The following MATR3 variants were observed in gnomAD, a reference collection of about 807,000 sequenced individuals.
MATR3 encodes matrin 3, also known as matrin-3.
A neutral mutation model predicts 85.5 loss-of-function variants in MATR3; 4 were observed. The observed-to-expected ratio is 0.05, with a 90% CI of 0.02 to 0.11. The LOEUF (loss-of-function observed/expected upper bound fraction) is 0.11. Ranked by LOEUF, MATR3 falls within the 10% of genes least tolerant of loss-of-function variation. The pLI, the probability that MATR3 is intolerant of heterozygous loss-of-function variation, is 1.00. For missense variants in MATR3, 685 were observed against 1,016.1 expected (o/e 0.67, Z 4.43); for synonymous variants, 336 against 343.1 (o/e 0.98, Z 0.23).
At chr5:139,308,794 G>A (rs1177851936) in intron 2 of MATR3, among the ~76,000 whole-genome samples, 2 of 152,154 alleles carry the variant, frequency 1.3e-5, no homozygotes, top group African/African-American at 2.4e-5. Flanking sequence ...CAGGGAAAGA[G>A]TTAATGTAGA....
Position 139,329,408 on chromosome 5 carries a change from G to A in MATR3, c.*13G>A. ...GAAGGAAACTTAAGATGTGCAAGGAGATTTAATGATTTCAAAGAAAATAAT... is the reference window on the plus strand; with the variant it reads ...GAAGGAAACTTAAGATGTGCAAGGAAATTTAATGATTTCAAAGAAAATAAT... On this transcript the variant is annotated 3_prime_UTR_variant, in exon 15 of 15. Transcript: ENST00000394805. The A allele has an allele frequency of 6.2e-7, 1 of 1,602,712 alleles. No homozygotes were observed. The highest frequency in any genetic ancestry group is 8.5e-7 in the Non-Finnish European group (1 of 1,170,832).
At chr5:139,313,919 G>GT (rs1416381614) in intron 2 of MATR3, 5 of 151,828 alleles carry the variant, frequency 3.3e-5, no homozygotes, top group East Asian at 1.9e-4. Flanking sequence ...TTTTGTTTTT[G>GT]TTTTGTTTTG....
upstream of MATR3, among the ~76,000 whole-genome samples, chr5:139,289,238 C>G (rs1753799120): frequency 6.6e-6 from 1 of 152,186 alleles, no homozygotes; most frequent in Non-Finnish European, 1.5e-5. Flanking sequence ...GATTGCAGTT[C>G]CACTTTCACA....
At chr5:139,327,787 A>G (rs1449253039) in intron 14 of MATR3, among the ~76,000 whole-genome samples, 1 of 152,178 alleles carries the variant, frequency 6.6e-6, no homozygotes, top group Non-Finnish European at 1.5e-5. Context: ...TGTATTGTCG[A>G]GAAGAATATG....
chr5:139,295,450 A>G (rs1377571305), intron 1 of MATR3, among the ~76,000 whole-genome samples: 2 of 152,226 alleles, frequency 1.3e-5, no homozygotes, highest in African/African-American at 4.8e-5. Flanking sequence ...TTAACAGTAT[A>G]TACTTAGAAC....
intron 1 of MATR3, among the ~76,000 whole-genome samples, chr5:139,295,413 T>A (rs548771048): frequency 6.6e-6 from 1 of 152,362 alleles, no homozygotes; most frequent in Admixed American, 6.5e-5. Flanking sequence ...GTTGAAGTGC[T>A]TTAAATTTGT....
At chr5:139,297,168 A>T (rs982030636) in intron 1 of MATR3, among the ~76,000 whole-genome samples, 1 of 152,022 alleles carries the variant, frequency 6.6e-6, no homozygotes, top group Non-Finnish European at 1.5e-5. Flanking sequence ...ACAGAGCGGG[A>T]CTCCATCTCA....
At chr5:139,278,682 T>G in intron 2 of MATR3, 1 of 425,184 alleles carries the variant, frequency 2.4e-6, no homozygotes, top group South Asian at 1.7e-5. Context: ...CAATTAGTGC[T>G]TCCACGCCTG....
At chr5:139,282,176 T>TG (rs1753555371) in intron 3 of MATR3, among the ~76,000 whole-genome samples, 1 of 152,260 alleles carries the variant, frequency 6.6e-6, no homozygotes, top group Non-Finnish European at 1.5e-5. Context: ...TGAATGTTGT[T>TG]GCTTAATTAG....
chr5:139,323,075 A>G, intron 12 of MATR3, 108 bp downstream of exon 12: 3 of 1,101,144 alleles, frequency 2.7e-6, no homozygotes, highest in Non-Finnish European at 3.9e-6. Flanking sequence ...TAAATCAGAA[A>G]ATAAATCAGA....
intron 7 of MATR3, among the ~76,000 whole-genome samples, chr5:139,318,060 A>G (rs545315076): frequency 3.3e-5 from 5 of 152,342 alleles, no homozygotes; most frequent in East Asian, 1.9e-4. Flanking sequence ...TGATAAAGTA[A>G]TGCAGTAGAA....
rs562200318 is a variant in MATR3 at position 139,331,067 on chromosome 5, A to G, written c.*1672A>G. On this transcript the variant is annotated 3_prime_UTR_variant, in exon 15 of 15. Transcript: ENST00000394805. ...CAGCCTCCCAAAGTGCTGGGACTGT[A>G]GGCATGAGCCACCATCCCTGGCCAA... 2.2e-6 allele frequency: 1 copy of G among 454,028 alleles called. No individual in the cohort carries two copies. Among genetic ancestry groups the G allele is most frequent in the African/African-American group, 2.0e-5 (1 of 50,116 alleles). The allele number at this position is 454,028 out of a possible 1,614,324, so 28.1% of individuals were successfully genotyped here.
At chr5:139,325,272 G>C (rs768768439) in intron 12 of MATR3, 168 bp from the exon 13 acceptor site, 8 of 1,550,878 alleles carry the variant, frequency 5.2e-6, no homozygotes, top group African/African-American at 1.4e-5. Flanking sequence ...AATTGTTGCA[G>C]AGTAAATTTG....
chr5:139,302,299 A>G (rs1754487368), intron 1 of MATR3, among the ~76,000 whole-genome samples: 1 of 152,196 alleles, frequency 6.6e-6, no homozygotes, highest in Non-Finnish European at 1.5e-5. Flanking sequence ...GGTACATGCC[A>G]TACTGAGATG....
At chr5:139,280,255 A>G (rs1753466391) in intron 3 of MATR3, among the ~76,000 whole-genome samples, 1 of 152,244 alleles carries the variant, frequency 6.6e-6, no homozygotes, top group Non-Finnish European at 1.5e-5. Flanking sequence ...AAATTTAAAG[A>G]CCATTCTTAT....
Position 139,315,617 on chromosome 5 carries a change from C to G in MATR3, c.975-80C>G, listed in dbSNP as rs1755201036. 3.4e-6 allele frequency: 3 copies of G among 872,854 alleles called. No individual in the cohort carries two copies. In the Admixed American group the frequency reaches 5.3e-5, roughly 15 times the overall value. 54.1% of individuals were successfully genotyped at this position (872,854 alleles called of 1,614,324 possible). On this transcript the variant is annotated intron_variant, in intron 3 of 14. Coordinates refer to ENST00000394805, the MANE Select transcript of MATR3 (RefSeq NM_018834.6). ...TCAGATAACTTTACTAATAAATGAT[C>G]TCTATTTTAGAGGCCAAACAAGGCT...
chr5:139,308,454 A>G (rs958436504), intron 2 of MATR3, 127 bp downstream of exon 2: 11 of 1,117,142 alleles, frequency 9.8e-6, no homozygotes, highest in Non-Finnish European at 1.3e-5. Context: ...TTTTGAGAAC[A>G]CTTACTTTAT....
intron 2 of MATR3, chr5:139,278,235 A>G (rs1753369713): frequency 5.4e-6 from 2 of 367,006 alleles, no homozygotes; most frequent in Admixed American, 2.9e-5. Context: ...CTCAAAAAAT[A>G]TATATATATA....
chr5:139,323,240 A>G (rs754636104), intron 12 of MATR3, among the ~76,000 whole-genome samples: 4 of 152,164 alleles, frequency 2.6e-5, no homozygotes, highest in Non-Finnish European at 5.9e-5. Flanking sequence ...TCTGTATTGT[A>G]GTGGTGTAGT....
Sources: gnomAD v4.1 joint callset for allele counts (sites outside exome capture counted in the v4.1 genomes callset) on GRCh38, gnomAD v4.1.1 for gene constraint, MANE v1.5 for transcripts, NCBI Gene and HGNC (gene_info 2026-07-23, HGNC 2026-07-21) for gene names.